The following FOXRED2 variants were observed in gnomAD, a reference collection of about 807,000 sequenced individuals.
FOXRED2 encodes the protein FAD-dependent oxidoreductase domain-containing protein 2.
In FOXRED2, 32 loss-of-function variants were observed where a neutral mutation model predicts 52.5. That is an observed-to-expected ratio of 0.61 (90% confidence interval 0.46 to 0.82). FOXRED2 has a LOEUF of 0.82. Among genes scored for constraint, FOXRED2 ranks in the 40% least tolerant of loss-of-function variants. FOXRED2 has a pLI of 0.00. For missense variants in FOXRED2, 848 were observed against 937.5 expected (o/e 0.90, Z 1.25); for synonymous variants, 405 against 398.1 (o/e 1.02, Z -0.21).
In FOXRED2 at chr22:36,501,316, T is replaced by A. The variant is rs762551141; in HGVS notation, c.1141A>T (p.Ile381Phe). ...ACCGAGTGGCTGGCAGTACCCAGGA[T>A]AAACAGACCCCGGCTTCCTTTGGAT... ...YESKGSRGLF[I>F]LGTASHSVDY... The change falls in exon 5 of 9, where the codon ATC becomes TTC. Residue 381 changes from isoleucine (I) to phenylalanine (F), a missense_variant. By Grantham distance (21) the Ile-to-Phe change is conservative. Transcript: ENST00000397224. 6.2e-6 allele frequency: 10 copies of A among 1,614,140 alleles called. No individual in the cohort carries two copies. In the Admixed American group the frequency reaches 1.3e-4, roughly 22 times the overall value.
chr22:36,498,704 T>A (rs1250217133), intron 5 of FOXRED2, among the ~76,000 whole-genome samples: 6 of 152,212 alleles, frequency 3.9e-5, no homozygotes, highest in South Asian at 4.1e-4. Context: ...GTTCTTTTTT[T>A]AAATATTTTT....
At chr22:36,493,010 T>TC (rs1469762146) in intron 8 of FOXRED2, among the ~76,000 whole-genome samples, 2 of 152,186 alleles carry the variant, frequency 1.3e-5, no homozygotes, top group South Asian at 4.1e-4. Flanking sequence ...GGGTTTTGGC[T>TC]CCCAGCTTCC....
In FOXRED2 at chr22:36,506,157, G is replaced by C; in HGVS notation, c.266C>G (p.Ala89Gly). The stretch of plus-strand genomic sequence containing the variant: ...GTGGCGGAGGTTGAACTCGGCGTTA[G>C]CCTTGCCCGTGTACCGCTTGTTGAT... ...ISINKRYTGK[A>G]NAEFNLRHDW... Residue 89 changes from alanine to glycine, a missense_variant, in exon 2 of 9, where the codon GCT becomes GGT. By Grantham distance (60) the Ala-to-Gly change is moderately conservative. Transcript: ENST00000397224. The C allele has an allele frequency of 6.2e-7, 1 of 1,614,266 alleles. No homozygotes were observed. The highest frequency in any genetic ancestry group is 8.5e-7 in the Non-Finnish European group (1 of 1,180,044).
rs892213839 is a variant in FOXRED2 at position 36,500,783 on chromosome 22, C to T, written c.1216+458G>A. Among the ~76,000 whole-genome samples, 6 of 151,982 alleles carry T rather than the reference C, an allele frequency of 3.9e-5. No individual in the cohort carries two copies. The East Asian group carries it at 1.2e-3, about 29-fold the overall frequency. Reference sequence around the variant, plus strand: ...ATTTTTAGTAGAGACAGGGTTTCGCCGTGTTGCCCAGGCTGGTCTTGAACT... The same window carrying T: ...ATTTTTAGTAGAGACAGGGTTTCGCTGTGTTGCCCAGGCTGGTCTTGAACT... On this transcript the variant is annotated intron_variant, in intron 5 of 8. Transcript: ENST00000397224.
rs752555678 is a variant in FOXRED2 at position 36,489,965 on chromosome 22, TG to T, written c.*42del. ...AAGAGGGACTGACCATGGGCCTAGG[TG>T]GGGAGGCCTGGCCACTGTGCCCACA... is the stretch of plus-strand genomic sequence containing the variant. On this transcript the variant is annotated 3_prime_UTR_variant, in exon 9 of 9. Coordinates refer to ENST00000397224, the MANE Select transcript of FOXRED2 (RefSeq NM_001102371.2). The T allele has an allele frequency of 4.6e-6, 7 of 1,509,090 alleles. No individual in the cohort carries two copies. Among genetic ancestry groups the T allele is most frequent in the Middle Eastern group, 1.8e-4 (1 of 5,556 alleles). 93.5% of individuals were successfully genotyped at this position (1,509,090 alleles called of 1,614,324 possible).
At chr22:36,502,620 T>C (rs992391608) in intron 4 of FOXRED2, among the ~76,000 whole-genome samples, 25 of 150,670 alleles carry the variant, frequency 1.7e-4, no homozygotes, top group African/African-American at 5.6e-4. Flanking sequence ...AGCTAGGTAC[T>C]CATCACTGCA....
chr22:36,506,174 C>G lies in FOXRED2; in HGVS notation c.249G>C (p.Lys83Asn). The G allele has an allele frequency of 1.2e-6, 2 of 1,614,230 alleles. No homozygotes were observed. The highest frequency in any genetic ancestry group is 1.7e-6 in the Non-Finnish European group (2 of 1,180,024). ...PRHRKLISIN[K>N]RYTGKANAEF... ...CGGCGTTAGCCTTGCCCGTGTACCG[C>G]TTGTTGATGCTGATGAGCTTGCGGT... Residue 83 changes from lysine to asparagine, a missense_variant, in exon 2 of 9, where the codon AAG becomes AAC. Coordinates refer to ENST00000397224, the MANE Select transcript of FOXRED2 (RefSeq NM_001102371.2).
chr22:36,491,490 C>T (rs111785517), intron 8 of FOXRED2, among the ~76,000 whole-genome samples: 2,896 of 152,166 alleles, frequency 0.019, 46 homozygotes, highest in African/African-American at 0.047. Context: ...ACAACCTCTG[C>T]CTTCTGGGTT....
intron 7 of FOXRED2, among the ~76,000 whole-genome samples, chr22:36,495,357 T>C (rs549514780): frequency 6.6e-6 from 1 of 152,286 alleles, no homozygotes; most frequent in African/African-American, 2.4e-5. Flanking sequence ...TAAACCACCC[T>C]CTTCTACCTG....
chr22:36,500,575 C>T (rs1934016096), intron 5 of FOXRED2, among the ~76,000 whole-genome samples: 1 of 144,962 alleles, frequency 6.9e-6, no homozygotes, highest in African/African-American at 2.5e-5. Context: ...CTGATATAAT[C>T]CAATTACATT....
chr22:36,496,266 A>G (rs1029224754), intron 6 of FOXRED2, 58 bp from the exon 7 acceptor site: 2 of 1,603,684 alleles, frequency 1.2e-6, no homozygotes, highest in Non-Finnish European at 1.7e-6. Context: ...TGAGGGGTGC[A>G]GCCCGGGGGT....
At position 36,505,916 on chromosome 22, in the gene FOXRED2, C is replaced by A; in HGVS notation, c.507G>T (p.Lys169Asn). ...NGHYFILTDQKGQVHQCSVLF... is the reference protein window; with the variant it reads ...NGHYFILTDQNGQVHQCSVLF... ...CTTACCTGCACTGATGCACCTGGCC[C>A]TTCTGGTCAGTTAGGATGAAGTAGT... The change falls in exon 2 of 9, where the codon AAG becomes AAT. Residue 169 changes from lysine (K) to asparagine (N), a missense_variant. Physicochemically the swap from Lys to Asn is moderately conservative, Grantham distance 94. Coordinates refer to ENST00000397224, the MANE Select transcript of FOXRED2 (RefSeq NM_001102371.2). 6.2e-7 allele frequency: 1 copy of A among 1,613,336 alleles called. No individual in the cohort carries two copies. The highest frequency in any genetic ancestry group is 8.5e-7 in the Non-Finnish European group (1 of 1,179,234).
chr22:36,505,645 C>T (rs1057120933), intron 2 of FOXRED2, among the ~76,000 whole-genome samples: 1 of 152,118 alleles, frequency 6.6e-6, no homozygotes, highest in African/African-American at 2.4e-5. Flanking sequence ...GTGGTGCTTG[C>T]CTGTAATCCC....
chr22:36,504,279 T>TTG lies in FOXRED2; in HGVS notation c.867_868insCA (p.Lys290GlnfsTer47), dbSNP rs1341852399. The TTG allele has an allele frequency of 8.1e-6, 13 of 1,613,982 alleles. No homozygotes were observed. The highest frequency in any genetic ancestry group is 1.0e-5 in the Non-Finnish European group (12 of 1,180,032). On this transcript the variant is annotated frameshift_variant, in exon 4 of 9. Coordinates refer to ENST00000397224, the MANE Select transcript of FOXRED2 (RefSeq NM_001102371.2). LOFTEE classifies it high-confidence loss of function. ...ACATGGAACTTGCCTTTGCTGTCCT[T>TTG]CAGGATGGCCAGATCCGTCAGGTCA...
At chr22:36,504,851 C>A in intron 2 of FOXRED2, 85 bp from the exon 3 acceptor site, 5 of 1,460,372 alleles carry the variant, frequency 3.4e-6, no homozygotes, top group South Asian at 1.3e-5. Flanking sequence ...CCCACCCACC[C>A]ACCTGCCTGG....
rs1933674802 is a variant in FOXRED2, at chr22:36,488,854, T to A, written c.*1154A>T. 6.6e-6 allele frequency: 1 copy of A among 152,272 alleles called. No individual in the cohort carries two copies. Among genetic ancestry groups the A allele is most frequent in the Non-Finnish European group, 1.5e-5 (1 of 68,074 alleles). The allele number at this position is 152,272 out of a possible 1,614,324, so 9.4% of individuals were successfully genotyped here. On this transcript the variant is annotated 3_prime_UTR_variant, in exon 9 of 9. Transcript: ENST00000397224. ...CCTGGGCCTCCCAGAGTGCTGGGAT[T>A]GTCCTTGGAATTCTGAGTGGATACA...
rs138090076 is a variant in FOXRED2 at position 36,490,660 on chromosome 22, T to A, written c.1796-393A>T. 3.9e-5 allele frequency among the ~76,000 whole-genome samples: 6 copies of A among 152,348 alleles called. No homozygotes were observed. The East Asian group carries it at 1.2e-3, about 29-fold the overall frequency. ...TGCGGCTGGGAACTCAGTGGTCAGTTCCACTGTGAGCTCAGATCTGCCTGC... is the reference window on the plus strand; with the variant it reads ...TGCGGCTGGGAACTCAGTGGTCAGTACCACTGTGAGCTCAGATCTGCCTGC... On this transcript the variant is annotated intron_variant, in intron 8 of 8. Transcript: ENST00000397224.
rs117341094 is a variant in FOXRED2 at position 36,501,114 on chromosome 22, A to G, written c.1216+127T>C. ...AACCTGTTGTCACTTCCCCAAGACA[A>G]TTTATGACAATGAGCTACTGACAAG... On this transcript the variant is annotated intron_variant, in intron 5 of 8. Coordinates refer to ENST00000397224, the MANE Select transcript of FOXRED2 (RefSeq NM_001102371.2). 8,875 of 995,436 alleles carry G rather than the reference A, an allele frequency of 8.9e-3. 71 individuals are homozygous for G. The highest frequency in any genetic ancestry group is 0.012 in the Non-Finnish European group (7,837 of 668,616). 61.7% of individuals were successfully genotyped at this position (995,436 alleles called of 1,614,324 possible). A position where few individuals can be genotyped will look rare whatever the true frequency, so the allele number is the denominator to read the frequency against.
chr22:36,493,238 G>T (rs1933802867), intron 8 of FOXRED2, among the ~76,000 whole-genome samples: 1 of 152,176 alleles, frequency 6.6e-6, no homozygotes, highest in African/African-American at 2.4e-5. Flanking sequence ...GTCAGTTCGA[G>T]ACCAGCCTGG....
Sources: gnomAD v4.1 joint callset for allele counts (sites outside exome capture counted in the v4.1 genomes callset) on GRCh38, gnomAD v4.1.1 for gene constraint, MANE v1.5 for transcripts, NCBI Gene and HGNC (gene_info 2026-07-23, HGNC 2026-07-21) for gene names.